CDH4: variants seen among roughly 807,000 people sequenced by gnomAD.
CDH4 encodes the protein cadherin 4.
Under a neutral mutation model 86.0 loss-of-function variants are expected in CDH4, and 33 were observed. The ratio of observed to expected loss-of-function variants is 0.38; its 90% CI spans 0.29 to 0.51. The LOEUF (loss-of-function observed/expected upper bound fraction) is 0.51, where lower values mean the gene tolerates loss of function less well. Among genes scored for constraint, CDH4 ranks in the 20% least tolerant of loss-of-function variants. The probability of loss-of-function intolerance (pLI) is 0.86; values close to 1 mark genes in which losing one functional copy is unlikely to be tolerated. For missense variants in CDH4, 1,114 were observed against 1,307.4 expected (o/e 0.85, Z 2.28); for synonymous variants, 555 against 549.4 (o/e 1.01, Z -0.14).
chr20:61,495,412 C>T (rs1410967451), intron 2 of CDH4, among the ~76,000 whole-genome samples: 4 of 152,160 alleles, frequency 2.6e-5, no homozygotes, highest in East Asian at 1.9e-4. Flanking sequence ...GCCAGCCCCC[C>T]GCTTATCCTG....
chr20:61,901,738 G>A (rs1307935146), intron 8 of CDH4, among the ~76,000 whole-genome samples: 1 of 152,236 alleles, frequency 6.6e-6, no homozygotes, highest in South Asian at 2.1e-4. Context: ...CTGAGTAAGC[G>A]GCAGCTCAGT....
At chr20:61,452,091 C>T (rs2085384041) in intron 2 of CDH4, among the ~76,000 whole-genome samples, 1 of 152,194 alleles carries the variant, frequency 6.6e-6, no homozygotes, top group Admixed American at 6.5e-5. Context: ...GATTGTGACG[C>T]TGGCTCAGCC....
chr20:61,653,090 G>T (rs1365652575), intron 2 of CDH4, among the ~76,000 whole-genome samples: 4 of 127,258 alleles, frequency 3.1e-5, no homozygotes, highest in African/African-American at 8.3e-5. Context: ...GCGGCCTTCC[G>T]CAGTGTTTGT....
At position 61,743,576 on chromosome 20, in the gene CDH4, C is replaced by T. The variant is rs1433598406; in HGVS notation, c.183C>T (p.Ser61=). 2 of 1,564,896 alleles carry T rather than the reference C, an allele frequency of 1.3e-6. No homozygotes were observed. Among genetic ancestry groups the T allele is most frequent in the Non-Finnish European group, 1.7e-6 (2 of 1,153,554 alleles). The change falls in exon 3 of 16, where the codon AGC becomes AGT. Residue 61 remains serine (S), a synonymous_variant. Transcript: ENST00000614565. Reference sequence around the variant, plus strand: ...CTCCTCTTGCAGTCAAGTTCAGCAGCTGTGTGGGGACCAAGGGGACACAAT... The same window carrying T: ...CTCCTCTTGCAGTCAAGTTCAGCAGTTGTGTGGGGACCAAGGGGACACAAT... The part of the protein sequence containing the change: ...GEKLLQVKFS[S]CVGTKGTQYE...
intron 3 of CDH4, among the ~76,000 whole-genome samples, chr20:61,763,814 C>T (rs1474306174): frequency 6.6e-6 from 1 of 152,116 alleles, no homozygotes; most frequent in Non-Finnish European, 1.5e-5. Flanking sequence ...ATTCCCGGCT[C>T]CTAACAGATG....
At chr20:61,449,856 T>G (rs2085370568) in intron 2 of CDH4, among the ~76,000 whole-genome samples, 1 of 152,242 alleles carries the variant, frequency 6.6e-6, no homozygotes, top group Non-Finnish European at 1.5e-5. Flanking sequence ...TGTGGTATTT[T>G]GTGGTACTTC....
At chr20:61,831,774 C>T (rs1024736131) in intron 4 of CDH4, among the ~76,000 whole-genome samples, 3 of 152,254 alleles carry the variant, frequency 2.0e-5, no homozygotes, top group East Asian at 1.9e-4. Flanking sequence ...GTGGGATTCC[C>T]AGCGTTAAGG....
chr20:61,668,269 G>A (rs1348005320), intron 2 of CDH4, among the ~76,000 whole-genome samples: 1 of 152,190 alleles, frequency 6.6e-6, no homozygotes. Context: ...GTGTGCATGT[G>A]GGTGGATGTT....
chr20:61,843,733 T>C (rs1285805160), intron 4 of CDH4, among the ~76,000 whole-genome samples: 1 of 150,636 alleles, frequency 6.6e-6, no homozygotes, highest in Non-Finnish European at 1.5e-5. Context: ...GTTTTGGGGG[T>C]ATTTTTGGGG....
intron 7 of CDH4, among the ~76,000 whole-genome samples, chr20:61,876,981 TG>T (rs1984053692): frequency 6.6e-6 from 1 of 152,144 alleles, no homozygotes; most frequent in Non-Finnish European, 1.5e-5. Context: ...GCAGTTAGTA[TG>T]GGTGCAGGCT....
chr20:61,496,089 T>C (rs1417835532), intron 2 of CDH4, among the ~76,000 whole-genome samples: 1 of 151,730 alleles, frequency 6.6e-6, no homozygotes, highest in Non-Finnish European at 1.5e-5. Flanking sequence ...AACGGACATC[T>C]ATATACCCAC....
chr20:61,533,536 G>A (rs570683934), intron 2 of CDH4, among the ~76,000 whole-genome samples: 6 of 152,324 alleles, frequency 3.9e-5, no homozygotes, highest in East Asian at 1.9e-4. Flanking sequence ...CCTCCCTGGC[G>A]GGGCCCTGGC....
At chr20:61,782,519 C>A (rs1434881850) in intron 4 of CDH4, among the ~76,000 whole-genome samples, 1 of 152,054 alleles carries the variant, frequency 6.6e-6, no homozygotes, top group Non-Finnish European at 1.5e-5. Flanking sequence ...TATCATTTTT[C>A]TTTTAATTTC....
intron 2 of CDH4, among the ~76,000 whole-genome samples, chr20:61,310,492 C>A (rs760463466): frequency 2.0e-5 from 3 of 152,234 alleles, no homozygotes; most frequent in African/African-American, 7.2e-5. Context: ...CCCTCCCATG[C>A]GCGGTTCACA....
intron 2 of CDH4, among the ~76,000 whole-genome samples, chr20:61,283,728 A>C (rs567756436): frequency 7.1e-4 from 108 of 152,382 alleles, no homozygotes; most frequent in Non-Finnish European, 1.0e-3. Context: ...CACATCTCTC[A>C]TCATTTCTTT....
At chr20:61,400,822 CCTTT>C (rs1391534471) in intron 2 of CDH4, among the ~76,000 whole-genome samples, 1 of 152,212 alleles carries the variant, frequency 6.6e-6, no homozygotes, top group Non-Finnish European at 1.5e-5. Context: ...GTTGTTCTGG[CCTTT>C]CTATTTCCAC....
At chr20:61,382,504 A>G (rs2084908797) in intron 2 of CDH4, among the ~76,000 whole-genome samples, 1 of 152,206 alleles carries the variant, frequency 6.6e-6, no homozygotes, top group African/African-American at 2.4e-5. Flanking sequence ...AAGGCAGAGT[A>G]AGTGACACCT....
intron 2 of CDH4, among the ~76,000 whole-genome samples, chr20:61,295,425 G>A (rs2084346892): frequency 6.6e-6 from 1 of 152,200 alleles, no homozygotes; most frequent in African/African-American, 2.4e-5. Context: ...TGCGACATTT[G>A]TCCCTGTCAC....
chr20:61,322,174 G>A (rs530856119), intron 2 of CDH4, among the ~76,000 whole-genome samples: 50 of 152,252 alleles, frequency 3.3e-4, no homozygotes, highest in African/African-American at 1.1e-3. Context: ...GGTTGGTGCC[G>A]TCTGTGTGCT....
Sources: allele counts gnomAD v4.1 joint callset (sites outside exome capture counted in the v4.1 genomes callset), GRCh38; gene constraint gnomAD v4.1.1; transcripts MANE v1.5; gene names NCBI Gene and HGNC (gene_info 2026-07-23, HGNC 2026-07-21).